Variants in KCNQ5 observed in about 807,000 individuals in gnomAD.
KCNQ5 encodes potassium voltage-gated channel subfamily KQT member 5.
A neutral mutation model predicts 98.2 loss-of-function variants in KCNQ5; 30 were observed. The ratio of observed to expected loss-of-function variants is 0.31; its 90% CI spans 0.23 to 0.41. The LOEUF (loss-of-function observed/expected upper bound fraction) is 0.41. KCNQ5 is among the 10% of genes least tolerant of loss of function. The probability of loss-of-function intolerance (pLI) is 1.00; values close to 1 mark genes in which losing one functional copy is unlikely to be tolerated. For synonymous variants in KCNQ5, 458 were observed against 449.4 expected (o/e 1.02, Z -0.24); for missense variants, 835 against 1,182.5 (o/e 0.71, Z 4.31).
chr6:72,634,172 A>T (rs191269027), intron 1 of KCNQ5, among the ~76,000 whole-genome samples: 209 of 152,300 alleles, frequency 1.4e-3, no homozygotes, highest in African/African-American at 4.8e-3. Flanking sequence ...TCTCAGCAAA[A>T]TAGTGTATGC....
At chr6:73,131,320 T>C (rs1776227621) in intron 9 of KCNQ5, among the ~76,000 whole-genome samples, 3 of 152,114 alleles carry the variant, frequency 2.0e-5, no homozygotes, top group Admixed American at 6.5e-5. Flanking sequence ...TTAGTTGACA[T>C]AGAAAAGAGA....
chr6:72,964,598 C>A lies in KCNQ5; in HGVS notation c.399-39310C>A, dbSNP rs151280565. ...CTTATATAATTTAATAACAGCAATA[C>A]CATTCTTTGCTTTTTAAATAAAAAA... On this transcript the variant is annotated intron_variant, in intron 1 of 13. Coordinates refer to ENST00000370398, the MANE Select transcript of KCNQ5 (RefSeq NM_019842.4). Among the ~76,000 whole-genome samples the A allele has an allele frequency of 3.3e-3, 505 of 152,170 alleles. 2 individuals are homozygous for A. The highest frequency in any genetic ancestry group is 0.012 in the African/African-American group (481 of 41,530).
In KCNQ5 at chr6:73,077,806, T is replaced by C. The variant is rs766039828; in HGVS notation, c.837T>C (p.Phe279=). ...AWYIGFLVLI[F]SSFLVYLVEK... The stretch of plus-strand genomic sequence containing the variant: ...ACATAGGATTTTTGGTTCTTATTTT[T>C]TCGTCTTTCCTTGTCTATCTGGTGG... The change falls in exon 5 of 14, where the codon TTT becomes TTC. Residue 279 remains phenylalanine (F), a synonymous_variant. Transcript: ENST00000370398. 1.5e-5 allele frequency: 24 copies of C among 1,612,312 alleles called. No homozygotes were observed. In the Admixed American group the frequency reaches 2.5e-4, roughly 17 times the overall value.
chr6:73,124,938 TA>T (rs1775891460), intron 9 of KCNQ5, among the ~76,000 whole-genome samples: 1 of 45,524 alleles, frequency 2.2e-5, no homozygotes, highest in African/African-American at 1.5e-4. Flanking sequence ...TTTGGAGTGA[TA>T]TATATATATA....
intron 1 of KCNQ5, among the ~76,000 whole-genome samples, chr6:72,908,281 C>T (rs901374537): frequency 6.6e-6 from 1 of 151,946 alleles, no homozygotes; most frequent in Non-Finnish European, 1.5e-5. Context: ...TCTAGAGATC[C>T]AATGTACAAC....
intron 1 of KCNQ5, among the ~76,000 whole-genome samples, chr6:72,809,298 C>T (rs553433360): frequency 1.2e-4 from 18 of 148,584 alleles, no homozygotes; most frequent in Admixed American, 4.7e-4. Context: ...TGCTAGATGA[C>T]GAGTTAGTGG....
intron 1 of KCNQ5, among the ~76,000 whole-genome samples, chr6:72,801,068 G>C (rs1369544636): frequency 1.3e-5 from 2 of 152,068 alleles, no homozygotes; most frequent in East Asian, 3.9e-4. Context: ...TTTTGGGATA[G>C]GTGTGGTGTG....
At chr6:72,693,577 A>G (rs895191196) in intron 1 of KCNQ5, among the ~76,000 whole-genome samples, 21 of 152,164 alleles carry the variant, frequency 1.4e-4, no homozygotes, top group African/African-American at 5.1e-4. Flanking sequence ...AATGAAATAA[A>G]TGTTAGGGCC....
At chr6:72,870,267 T>TTTTTGTTTTG (rs755429150) in intron 1 of KCNQ5, among the ~76,000 whole-genome samples, 1 of 152,020 alleles carries the variant, frequency 6.6e-6, no homozygotes, top group Non-Finnish European at 1.5e-5. Flanking sequence ...TCTTTTGGGT[T>TTTTTGTTTTG]TTTTGTTTTG....
chr6:73,077,575 T>C, intron 4 of KCNQ5, 78 bp downstream of exon 4: 3 of 1,458,642 alleles, frequency 2.1e-6, no homozygotes, highest in Non-Finnish European at 2.8e-6. Context: ...AATAAACCTG[T>C]CACAAGAAAA....
intron 1 of KCNQ5, among the ~76,000 whole-genome samples, chr6:72,626,060 AGT>A (rs1173604854): frequency 6.6e-6 from 1 of 152,220 alleles, no homozygotes; most frequent in Non-Finnish European, 1.5e-5. Flanking sequence ...CAATTATTAG[AGT>A]GTGTAATATG....
chr6:73,026,781 T>C (rs2150344352), intron 2 of KCNQ5, among the ~76,000 whole-genome samples: 1 of 152,204 alleles, frequency 6.6e-6, no homozygotes, highest in South Asian at 2.1e-4. Context: ...CTAAGCACTG[T>C]AAAAATATTA....
intron 2 of KCNQ5, among the ~76,000 whole-genome samples, chr6:73,020,528 T>G (rs1770555167): frequency 6.6e-6 from 1 of 152,142 alleles, no homozygotes; most frequent in Non-Finnish European, 1.5e-5. Flanking sequence ...CCTTTTTTAT[T>G]TTTATGGAGG....
At chr6:72,956,584 T>G (rs1341090614) in intron 1 of KCNQ5, among the ~76,000 whole-genome samples, 2 of 151,336 alleles carry the variant, frequency 1.3e-5, no homozygotes, top group East Asian at 3.9e-4. Flanking sequence ...TTTTTTATTT[T>G]TGGTAGAAAC....
Position 73,041,979 on chromosome 6 carries a change from G to A in KCNQ5, c.533G>A (p.Arg178Gln). 6.2e-7 allele frequency: 1 copy of A among 1,613,806 alleles called. No individual in the cohort carries two copies. The highest frequency in any genetic ancestry group is 8.5e-7 in the Non-Finnish European group (1 of 1,179,784). ...GTCTTTGGTTTGGAGTTCATCATTC[G>A]AATCTGGTCTGCGGGTTGCTGTTGT... ...IVVFGLEFII[R>Q]IWSAGCCCRY... The change falls in exon 3 of 14, where the codon CGA becomes CAA. Residue 178 changes from arginine (R) to glutamine (Q), a missense_variant. Around this residue, in one of 10 missense-constraint regions of KCNQ5, gnomAD observed 48 missense variants for 112.1 expected, o/e 0.43. Coordinates refer to ENST00000370398, the MANE Select transcript of KCNQ5 (RefSeq NM_019842.4).
At chr6:72,798,393 T>C (rs1476163345) in intron 1 of KCNQ5, among the ~76,000 whole-genome samples, 5 of 152,186 alleles carry the variant, frequency 3.3e-5, no homozygotes, top group African/African-American at 1.2e-4. Context: ...GGCTCTGCTC[T>C]TAAATGGTTT....
chr6:73,151,369 T>C (rs1291563121), intron 10 of KCNQ5, among the ~76,000 whole-genome samples: 3 of 152,178 alleles, frequency 2.0e-5, no homozygotes, highest in Admixed American at 2.0e-4. Context: ...TTGAATACTG[T>C]TTACTTTCTA....
intron 7 of KCNQ5, among the ~76,000 whole-genome samples, chr6:73,120,082 A>G (rs1775683474): frequency 2.7e-5 from 1 of 37,472 alleles, no homozygotes; most frequent in African/African-American, 5.4e-5. Flanking sequence ...TACTAAAAGT[A>G]CAAAAAAAAA....
chr6:73,060,131 T>C (rs933058018), intron 3 of KCNQ5, among the ~76,000 whole-genome samples: 1 of 152,140 alleles, frequency 6.6e-6, no homozygotes, highest in South Asian at 2.1e-4. Flanking sequence ...AAGTCGTTTG[T>C]TCTCCTTAAT....
Sources: gnomAD v4.1 joint callset for allele counts (sites outside exome capture counted in the v4.1 genomes callset) on GRCh38, gnomAD v4.1.1 for gene constraint, gnomAD v4.1.1 regional missense constraint, MANE v1.5 for transcripts, NCBI Gene and HGNC (gene_info 2026-07-23, HGNC 2026-07-21) for gene names.